Variants in GREB1 observed in about 807,000 individuals in gnomAD.
GREB1 encodes protein GREB1.
Under a neutral mutation model 200.7 loss-of-function variants are expected in GREB1, and 106 were observed. The observed-to-expected ratio is 0.53, with a 90% CI of 0.45 to 0.62. The LOEUF (loss-of-function observed/expected upper bound fraction) is 0.62. Among genes scored for constraint, GREB1 ranks in the 20% least tolerant of loss-of-function variants. The pLI is 0.00. For missense variants in GREB1, 2,243 were observed against 2,556.8 expected (o/e 0.88, Z 2.65); for synonymous variants, 1,132 against 1,092.4 (o/e 1.04, Z -0.72).
At chr2:11,566,367 C>A in intron 3 of GREB1, 113 bp from the exon 4 acceptor site, 1 of 1,019,236 alleles carries the variant, frequency 9.8e-7, no homozygotes, top group Non-Finnish European at 1.4e-6. Flanking sequence ...GTCAAGCACA[C>A]CCAGGGGTAA....
chr2:11,556,573 T>C lies in GREB1; in HGVS notation c.-42T>C, dbSNP rs1385870586. 3.2e-6 allele frequency: 5 copies of C among 1,551,624 alleles called. No homozygotes were observed. Among genetic ancestry groups the C allele is most frequent in the South Asian group, 2.4e-5 (2 of 83,072 alleles). On this transcript the variant is annotated 5_prime_UTR_variant, in exon 2 of 33. Coordinates refer to ENST00000381486, the MANE Select transcript of GREB1 (RefSeq NM_014668.4). ...CGTGGAGCCAGGCTTTTGCACCGAA[T>C]CTGAGATGCCATTTTAAACAGAAGA...
upstream of GREB1, among the ~76,000 whole-genome samples, chr2:11,533,884 T>A (rs1009580443): frequency 1.3e-5 from 2 of 152,324 alleles, no homozygotes; most frequent in South Asian, 4.1e-4. Context: ...ACTTGATATA[T>A]GTGTTCCTAA....
chr2:11,487,816 C>T (rs764058620), intron 1 of GREB1, among the ~76,000 whole-genome samples: 5 of 152,268 alleles, frequency 3.3e-5, no homozygotes, highest in East Asian at 1.9e-4. Context: ...TCATTTCATG[C>T]CCCTGGTGTT....
chr2:11,562,756 C>T (rs1195562433), intron 3 of GREB1, 174 bp downstream of exon 3: 4 of 605,448 alleles, frequency 6.6e-6, no homozygotes, highest in East Asian at 7.4e-5. Flanking sequence ...GCTGGCCCGG[C>T]CTGCCCTCCT....
At chr2:11,519,485 C>T (rs565401738) in intron 1 of GREB1, among the ~76,000 whole-genome samples, 7 of 92,470 alleles carry the variant, frequency 7.6e-5, no homozygotes, top group Non-Finnish European at 1.2e-4. Context: ...GGCAGAGTTT[C>T]GCTCTTGTCG....
intron 1 of GREB1, among the ~76,000 whole-genome samples, chr2:11,491,241 G>C (rs1384334520): frequency 6.6e-6 from 1 of 152,206 alleles, no homozygotes; most frequent in Admixed American, 6.5e-5. Context: ...TAATTTCCTT[G>C]GCATGGTATA....
chr2:11,580,942 T>A lies in GREB1; in HGVS notation c.901+110T>A. ...GGCCGCTGAGCCTCCTGGAGTCTGA[T>A]GTGGCTTCCATGAGAGTCAGGCCAG... is the stretch of plus-strand genomic sequence containing the variant. On this transcript the variant is annotated intron_variant, in intron 7 of 32. Transcript: ENST00000381486. The surrounding 1 kb of genome is among the most constrained non-coding windows in gnomAD (Gnocchi z 4.5). The A allele has an allele frequency of 7.3e-7, 1 of 1,373,222 alleles. No individual in the cohort carries two copies. Among genetic ancestry groups the A allele is most frequent in the South Asian group, 1.2e-5 (1 of 82,816 alleles). The allele number at this position is 1,373,222 out of a possible 1,614,324, so 85.1% of individuals were successfully genotyped here.
At chr2:11,512,682 A>G (rs894748569) in intron 1 of GREB1, among the ~76,000 whole-genome samples, 5 of 152,164 alleles carry the variant, frequency 3.3e-5, no homozygotes, top group African/African-American at 1.2e-4. Flanking sequence ...GCTCAAATCA[A>G]CCACCAAGCC....
At chr2:11,596,295 G>A in intron 13 of GREB1, 56 bp downstream of exon 13, 1 of 1,546,208 alleles carries the variant, frequency 6.5e-7, no homozygotes. Flanking sequence ...AGTGATGAGG[G>A]GCAGGGTCAG....
rs1572246695 is a variant in GREB1, at chr2:11,640,635, C to T, written c.*181C>T. 1.6e-6 allele frequency: 1 copy of T among 630,438 alleles called. No homozygotes were observed. The highest frequency in any genetic ancestry group is 2.7e-6 in the Non-Finnish European group (1 of 372,542). 39.1% of individuals were successfully genotyped at this position (630,438 alleles called of 1,614,324 possible). A position where few individuals can be genotyped will look rare whatever the true frequency, so the allele number is the denominator to read the frequency against. On this transcript the variant is annotated 3_prime_UTR_variant, in exon 33 of 33. Transcript: ENST00000381486. This position sits in a 1 kb window ranked among gnomAD's most constrained non-coding sequence, Gnocchi z 4.6. ...CGTGGTCCTGGGAGCCAGGAAGACT[C>T]CGCAGTGGGTGAGAATGAAAACTTG...
In GREB1 at chr2:11,629,491, C is replaced by T. The variant is rs564630669; in HGVS notation, c.4450-457C>T. Reference sequence around the variant, plus strand: ...GTTAATCGCAGCACACAGGACAGAACGGTGCCTGGCGAGCCGTGTTATAGG... The same window carrying T: ...GTTAATCGCAGCACACAGGACAGAATGGTGCCTGGCGAGCCGTGTTATAGG... On this transcript the variant is annotated intron_variant, in intron 25 of 32. Coordinates refer to ENST00000381486, the MANE Select transcript of GREB1 (RefSeq NM_014668.4). This position sits in a 1 kb window ranked among gnomAD's most constrained non-coding sequence, Gnocchi z 5.2. 1.1e-4 allele frequency among the ~76,000 whole-genome samples: 16 copies of T among 152,266 alleles called. No homozygotes were observed. The highest frequency in any genetic ancestry group is 4.1e-4 in the South Asian group (2 of 4,820).
intron 1 of GREB1, among the ~76,000 whole-genome samples, chr2:11,515,649 G>A (rs1420099251): frequency 2.0e-5 from 3 of 152,144 alleles, no homozygotes; most frequent in Admixed American, 6.5e-5. Flanking sequence ...TCACAACCCC[G>A]TCCCCTCCTG....
At position 11,630,485 on chromosome 2, in the gene GREB1, T is replaced by C. The variant is rs181806046; in HGVS notation, c.4611+376T>C. Among the ~76,000 whole-genome samples the C allele has an allele frequency of 1.7e-4, 26 of 152,260 alleles. No individual in the cohort carries two copies. In the East Asian group the frequency reaches 4.8e-3, roughly 28 times the overall value. ...AGACGTTCATCCCCTCCCTGTCTTT[T>C]CTTGAATGCTCTGCCAGGTAACATT... On this transcript the variant is annotated intron_variant, in intron 26 of 32. Transcript: ENST00000381486.
intron 7 of GREB1, among the ~76,000 whole-genome samples, chr2:11,583,908 T>C (rs1679784288): frequency 6.6e-6 from 1 of 152,082 alleles, no homozygotes. Context: ...GTTTTTTTAC[T>C]GTCGTTTCCA....
intron 29 of GREB1, among the ~76,000 whole-genome samples, chr2:11,635,035 C>T (rs1192943751): frequency 2.0e-5 from 3 of 152,230 alleles, no homozygotes; most frequent in Non-Finnish European, 4.4e-5. Flanking sequence ...GTGGTTTAAG[C>T]ATGAGGTACA....
chr2:11,516,458 T>C (rs1319045538), intron 1 of GREB1, among the ~76,000 whole-genome samples: 1 of 152,122 alleles, frequency 6.6e-6, no homozygotes, highest in Non-Finnish European at 1.5e-5. Context: ...TTCCCACCAG[T>C]GCATCCTCGA....
At chr2:11,489,560 C>G (rs570835943) in intron 1 of GREB1, among the ~76,000 whole-genome samples, 2 of 152,312 alleles carry the variant, frequency 1.3e-5, no homozygotes, top group South Asian at 4.1e-4. Context: ...TTTCATATTT[C>G]TCAAATAACA....
At chr2:11,638,532 A>G (rs1224559797) in intron 31 of GREB1, 139 bp from the exon 32 acceptor site, 2 of 645,040 alleles carry the variant, frequency 3.1e-6, no homozygotes, top group African/African-American at 1.8e-5. Flanking sequence ...TGGAAATAAC[A>G]TGAAAATATT....
chr2:11,570,016 G>T (rs1484519231), intron 4 of GREB1, among the ~76,000 whole-genome samples: 1 of 152,162 alleles, frequency 6.6e-6, no homozygotes, highest in Non-Finnish European at 1.5e-5. Flanking sequence ...TTGTTTCATT[G>T]ATAATGTCCC....
Sources: gnomAD v4.1 joint callset for allele counts (sites outside exome capture counted in the v4.1 genomes callset) on GRCh38, gnomAD v4.1.1 for gene constraint, Gnocchi (gnomAD v3.1) non-coding constraint, MANE v1.5 for transcripts, NCBI Gene and HGNC (gene_info 2026-07-23, HGNC 2026-07-21) for gene names.